LTBP4: variants seen among roughly 807,000 people sequenced by gnomAD.
LTBP4 encodes latent-transforming growth factor beta-binding protein 4.
A neutral mutation model predicts 180.2 loss-of-function variants in LTBP4; 93 were observed. The ratio of observed to expected loss-of-function variants is 0.52; its 90% confidence interval spans 0.44 to 0.61. LTBP4 has a LOEUF of 0.61. LTBP4 is among the 20% of genes least tolerant of loss of function. The probability of loss-of-function intolerance (pLI) is 0.00; values close to 1 mark genes in which losing one functional copy is unlikely to be tolerated. For missense variants in LTBP4, 2,116 were observed against 2,256.5 expected (o/e 0.94, Z 1.26); for synonymous variants, 947 against 934.5 (o/e 1.01, Z -0.24).
In LTBP4 at chr19:40,605,785, C is replaced by A. The variant is rs971677033; in HGVS notation, c.747C>A (p.Gly249=). Residue 249 remains glycine, a synonymous_variant, in exon 4 of 30, where the codon GGC becomes GGA. Coordinates refer to ENST00000396819, the MANE Select transcript of LTBP4 (RefSeq NM_001042545.2). The surrounding 1 kb of genome is among the most constrained non-coding windows in gnomAD (Gnocchi z 5.5). ...AGGAGGTCTGCTGCCGAGGGGCCGG[C>A]TTGGCCTGGGGCGTTCACGACTGTC... ...RTQEVCCRGA[G]LAWGVHDCQL... is the part of the protein sequence containing the mutation. The A allele has an allele frequency of 1.9e-6, 3 of 1,541,684 alleles. No homozygotes were observed. The highest frequency in any genetic ancestry group is 2.6e-6 in the Non-Finnish European group (3 of 1,146,770).
chr19:40,612,231 A>T, intron 15 of LTBP4, 39 bp downstream of exon 15: 1 of 1,549,336 alleles, frequency 6.5e-7, no homozygotes, highest in East Asian at 2.4e-5. Context: ...GGCCTGCATC[A>T]TGACCCCCGA....
chr19:40,593,735 T>C (rs1345097237), intron 1 of LTBP4, among the ~76,000 whole-genome samples: 1 of 151,530 alleles, frequency 6.6e-6, no homozygotes, highest in East Asian at 1.9e-4. Context: ...TCCAGAACGC[T>C]CGTGTTGCTG....
rs2081528740 is a variant in LTBP4, at chr19:40,614,037, C to G, written c.2679C>G (p.Leu893=). Residue 893 remains leucine, a splice_region_variant and synonymous_variant, in exon 18 of 30, where the codon CTC becomes CTG. Coordinates refer to ENST00000396819, the MANE Select transcript of LTBP4 (RefSeq NM_001042545.2). ...HRAGPDLASC[L]DVDECRERGP... ...CTGGCCCGGACCTCGCCTCCTGCCTCGGTGAGAGGCCCCGCCCCGGCCTGA... is the reference window on the plus strand; with the variant it reads ...CTGGCCCGGACCTCGCCTCCTGCCTGGGTGAGAGGCCCCGCCCCGGCCTGA... 1 of 1,611,936 alleles carries G rather than the reference C, an allele frequency of 6.2e-7. No homozygotes were observed. Among genetic ancestry groups the G allele is most frequent in the Non-Finnish European group, 8.5e-7 (1 of 1,179,638 alleles).
intron 1 of LTBP4, among the ~76,000 whole-genome samples, chr19:40,595,905 A>ATTTTTTT (rs60121587): frequency 3.0e-4 from 18 of 60,058 alleles, no homozygotes; most frequent in Non-Finnish European, 3.9e-4. Context: ...TAATTTTTGG[A>ATTTTTTT]TTTTTTTTTT....
intron 6 of LTBP4, among the ~76,000 whole-genome samples, chr19:40,606,864 C>T (rs997380785): frequency 1.1e-4 from 17 of 152,272 alleles, no homozygotes; most frequent in South Asian, 6.2e-4. Context: ...TCTCCTGCCT[C>T]GGCCTCCCGA....
intron 1 of LTBP4, among the ~76,000 whole-genome samples, chr19:40,595,746 G>T (rs912120090): frequency 6.6e-6 from 1 of 151,580 alleles, no homozygotes; most frequent in Admixed American, 6.6e-5. Flanking sequence ...ATTGAGATAG[G>T]GTCTCACTCT....
intron 26 of LTBP4, 38 bp downstream of exon 26, chr19:40,624,120 G>C (rs776388398): frequency 6.7e-7 from 1 of 1,487,190 alleles, no homozygotes; most frequent in Non-Finnish European, 9.0e-7. Flanking sequence ...TCCTTCCCTT[G>C]GCTCGGCCTC....
Position 40,622,736 on chromosome 19 carries a change from G to A in LTBP4, c.3484+69G>A. 1 of 1,511,928 alleles carries A rather than the reference G, an allele frequency of 6.6e-7. No homozygotes were observed. The highest frequency in any genetic ancestry group is 1.3e-5 in the South Asian group (1 of 77,986). The allele number at this position is 1,511,928 out of a possible 1,614,324, so 93.7% of individuals were successfully genotyped here. On this transcript the variant is annotated intron_variant, in intron 23 of 29. Coordinates refer to ENST00000396819, the MANE Select transcript of LTBP4 (RefSeq NM_001042545.2). This position sits in a 1 kb window ranked among gnomAD's most constrained non-coding sequence, Gnocchi z 5.1. ...GAAATACTGGGTGGGGTGTGGGCCT[G>A]GGACAGGGGACACTTTTGGACAGGG...
At chr19:40,607,798 T>C (rs1336132489) in intron 7 of LTBP4, among the ~76,000 whole-genome samples, 1 of 152,174 alleles carries the variant, frequency 6.6e-6, no homozygotes, top group Admixed American at 6.5e-5. Context: ...CAACGCCCAG[T>C]CCCACCCTGT....
chr19:40,626,950 T>A, intron 27 of LTBP4, 25 bp from the exon 28 acceptor site: 1 of 1,523,130 alleles, frequency 6.6e-7, no homozygotes, highest in Non-Finnish European at 8.8e-7. Flanking sequence ...AGGGGCTGAT[T>A]GTTTGCCTTG....
Position 40,622,732 on chromosome 19 carries a change from G to T in LTBP4, c.3484+65G>T. The T allele has an allele frequency of 2.0e-6, 3 of 1,522,522 alleles. No homozygotes were observed. Among genetic ancestry groups the T allele is most frequent in the South Asian group, 1.3e-5 (1 of 79,278 alleles). The allele number at this position is 1,522,522 out of a possible 1,614,324, so 94.3% of individuals were successfully genotyped here. A position where few individuals can be genotyped will look rare whatever the true frequency, so the allele number is the denominator to read the frequency against. Reference sequence around the variant, plus strand: ...GGTGGAAATACTGGGTGGGGTGTGGGCCTGGGACAGGGGACACTTTTGGAC... The same window carrying T: ...GGTGGAAATACTGGGTGGGGTGTGGTCCTGGGACAGGGGACACTTTTGGAC... On this transcript the variant is annotated intron_variant, in intron 23 of 29. Transcript: ENST00000396819. This position sits in a 1 kb window ranked among gnomAD's most constrained non-coding sequence, Gnocchi z 5.1.
At chr19:40,614,604 G>A (rs1335933464) in intron 19 of LTBP4, among the ~76,000 whole-genome samples, 158 bp downstream of exon 19, 6 of 152,204 alleles carry the variant, frequency 3.9e-5, no homozygotes, top group Admixed American at 2.0e-4. Flanking sequence ...CCGCCACCGT[G>A]TCCATGTATT....
chr19:40,618,064 CTT>C (rs796548850), intron 21 of LTBP4, among the ~76,000 whole-genome samples: 3 of 145,732 alleles, frequency 2.1e-5, no homozygotes, highest in Non-Finnish European at 1.5e-5. Flanking sequence ...TCTCTTCTCT[CTT>C]TTTTTTTTTT....
In LTBP4 at chr19:40,609,926, C is replaced by G. The variant is rs375120022; in HGVS notation, c.1684+55C>G. 20 of 1,477,700 alleles carry G rather than the reference C, an allele frequency of 1.4e-5. 1 individual carries two copies. Among genetic ancestry groups the G allele is most frequent in the African/African-American group, 1.1e-4 (8 of 71,640 alleles). The allele number at this position is 1,477,700 out of a possible 1,614,324, so 91.5% of individuals were successfully genotyped here. A position where few individuals can be genotyped will look rare whatever the true frequency, so the allele number is the denominator to read the frequency against. On this transcript the variant is annotated intron_variant, in intron 11 of 29. Transcript: ENST00000396819. The surrounding 1 kb of genome is among the most constrained non-coding windows in gnomAD (Gnocchi z 4.9). ...CCCACCCCAGGGTCTCGCTCCTGCT[C>G]TCACTCCAGAGCCTCTCCAGCCCTC...
upstream of LTBP4, chr19:40,597,307 A>G (rs993253382): frequency 6.6e-7 from 1 of 1,523,962 alleles, no homozygotes; most frequent in Admixed American, 2.0e-5. Context: ...CGCAGCCGCC[A>G]CCTCCGCCGC....
rs1400881739 is a variant in LTBP4 at position 40,625,847 on chromosome 19, C to T, written c.3833-10C>T. The stretch of plus-strand genomic sequence containing the variant: ...AGGCCCACTCTGACACATGCTGTCT[C>T]CACCTACAGATGACAATCTGGGAGT... On this transcript the variant is annotated splice_polypyrimidine_tract_variant and intron_variant, in intron 26 of 29. Coordinates refer to ENST00000396819, the MANE Select transcript of LTBP4 (RefSeq NM_001042545.2). 2 of 1,565,976 alleles carry T rather than the reference C, an allele frequency of 1.3e-6. No individual in the cohort carries two copies. The highest frequency in any genetic ancestry group is 1.9e-5 in the Admixed American group (1 of 53,236).
intron 24 of LTBP4, among the ~76,000 whole-genome samples, 157 bp from the exon 25 acceptor site, chr19:40,623,447 T>C (rs1179173912): frequency 6.6e-6 from 1 of 152,084 alleles, no homozygotes; most frequent in Admixed American, 6.6e-5. Context: ...AGTGCTGGGA[T>C]TTCAGGCATG....
chr19:40,610,145 A>G (rs979783816), intron 11 of LTBP4: 63 of 467,260 alleles, frequency 1.3e-4, no homozygotes, highest in African/African-American at 1.2e-3. Context: ...CCCCGCCCTT[A>G]TTGGCCACGC....
chr19:40,622,744 G>C lies in LTBP4; in HGVS notation c.3484+77G>C. 6.7e-7 allele frequency: 1 copy of C among 1,494,264 alleles called. No individual in the cohort carries two copies. Among genetic ancestry groups the C allele is most frequent in the Non-Finnish European group, 8.9e-7 (1 of 1,118,746 alleles). 92.6% of individuals were successfully genotyped at this position (1,494,264 alleles called of 1,614,324 possible). ...GGGTGGGGTGTGGGCCTGGGACAGG[G>C]GACACTTTTGGACAGGGCCTTGAGG... On this transcript the variant is annotated intron_variant, in intron 23 of 29. Transcript: ENST00000396819. This position sits in a 1 kb window ranked among gnomAD's most constrained non-coding sequence, Gnocchi z 5.1.
Sources: gnomAD v4.1 joint callset for allele counts (sites outside exome capture counted in the v4.1 genomes callset) on GRCh38, gnomAD v4.1.1 for gene constraint, Gnocchi (gnomAD v3.1) non-coding constraint, MANE v1.5 for transcripts, NCBI Gene and HGNC (gene_info 2026-07-23, HGNC 2026-07-21) for gene names.